The following RIPOR2 variants were observed in gnomAD, a reference collection of about 807,000 sequenced individuals.
RIPOR2 encodes rho family-interacting cell polarization regulator 2.
In RIPOR2, 39 loss-of-function variants were observed where a neutral mutation model predicts 114.5. The observed-to-expected ratio is 0.34, with a 90% confidence interval of 0.26 to 0.44. The LOEUF is 0.44. RIPOR2 is among the 20% of genes least tolerant of loss of function. The pLI is 1.00. For synonymous variants in RIPOR2, 445 were observed against 484.4 expected (o/e 0.92, Z 1.07); for missense variants, 1,007 against 1,255.1 (o/e 0.80, Z 2.99).
chr6:24,836,266 C>T (rs545790341), intron 14 of RIPOR2, among the ~76,000 whole-genome samples: 1 of 152,234 alleles, frequency 6.6e-6, no homozygotes, highest in Non-Finnish European at 1.5e-5. Flanking sequence ...AAGGCAATAC[C>T]ATTAAGAAAT....
chr6:24,912,853 G>T (rs1310750771), intron 1 of RIPOR2, among the ~76,000 whole-genome samples: 1 of 152,176 alleles, frequency 6.6e-6, no homozygotes, highest in African/African-American at 2.4e-5. Flanking sequence ...AGGAGGAAGA[G>T]GATGAAAAGA....
At position 24,852,608 on chromosome 6, in the gene RIPOR2, G is replaced by C; in HGVS notation, c.726C>G (p.Gly242=). Residue 242 remains glycine (G), a synonymous_variant, in exon 9 of 22, where the codon GGC becomes GGG. Transcript: ENST00000643898. ...EFSIKMKGLA[G]FARLCPGDQY... ...GATCTCCAGGACAGAGGCGTGCAAA[G>C]CCAGCCAGACCTGTAACCAAGAAAT... is the stretch of plus-strand genomic sequence containing the variant. 9 of 1,594,540 alleles carry C rather than the reference G, an allele frequency of 5.6e-6. No homozygotes were observed. The highest frequency in any genetic ancestry group is 7.7e-6 in the Non-Finnish European group (9 of 1,174,228).
At chr6:25,035,821 A>G (rs1777222843) in intron 1 of RIPOR2, among the ~76,000 whole-genome samples, 1 of 152,182 alleles carries the variant, frequency 6.6e-6, no homozygotes, top group African/African-American at 2.4e-5. Context: ...AGGTGCCCAC[A>G]TATTCTTCCT....
intron 8 of RIPOR2, among the ~76,000 whole-genome samples, chr6:24,854,680 C>T (rs1763267955): frequency 6.6e-6 from 1 of 152,020 alleles, no homozygotes; most frequent in South Asian, 2.1e-4. Context: ...AATCTTCATC[C>T]TTTAAAAATT....
At chr6:24,919,464 C>A (rs1770317697) in intron 1 of RIPOR2, among the ~76,000 whole-genome samples, 1 of 152,156 alleles carries the variant, frequency 6.6e-6, no homozygotes, top group Admixed American at 6.5e-5. Flanking sequence ...TATTAAATAT[C>A]TTTTATGGAA....
At chr6:24,902,913 A>G (rs958332638) in intron 1 of RIPOR2, among the ~76,000 whole-genome samples, 1 of 152,204 alleles carries the variant, frequency 6.6e-6, no homozygotes, top group African/African-American at 2.4e-5. Context: ...CACTGTGGTC[A>G]TATTTGACCT....
At chr6:24,974,440 C>T (rs1413589685) in intron 1 of RIPOR2, among the ~76,000 whole-genome samples, 1 of 152,110 alleles carries the variant, frequency 6.6e-6, no homozygotes, top group Admixed American at 6.5e-5. Flanking sequence ...CATTAGTCAT[C>T]AGGGAAAATG....
At chr6:24,998,163 C>T (rs1775131668) in intron 1 of RIPOR2, among the ~76,000 whole-genome samples, 1 of 152,128 alleles carries the variant, frequency 6.6e-6, no homozygotes, top group South Asian at 2.1e-4. Context: ...TTCCCCTTAA[C>T]TTCCTCAATC....
chr6:24,833,890 G>C (rs530678868), intron 15 of RIPOR2, among the ~76,000 whole-genome samples: 1 of 152,116 alleles, frequency 6.6e-6, no homozygotes, highest in Non-Finnish European at 1.5e-5. Context: ...ATTAGTCTTT[G>C]CGAGAAAACA....
At chr6:24,917,481 A>G (rs1201896137) in intron 1 of RIPOR2, among the ~76,000 whole-genome samples, 1 of 152,260 alleles carries the variant, frequency 6.6e-6, no homozygotes, top group Non-Finnish European at 1.5e-5. Context: ...AAGTATCAAT[A>G]TCTACGTGTA....
At chr6:24,903,706 G>C (rs946142497) in intron 1 of RIPOR2, among the ~76,000 whole-genome samples, 11 of 152,058 alleles carry the variant, frequency 7.2e-5, no homozygotes, top group African/African-American at 2.7e-4. Context: ...AAGATAAATG[G>C]GGGTATCCTC....
chr6:25,003,447 G>A (rs1481247942), intron 1 of RIPOR2, among the ~76,000 whole-genome samples: 2 of 143,434 alleles, frequency 1.4e-5, no homozygotes, highest in African/African-American at 5.2e-5. Context: ...TCTTCTTTTC[G>A]AGACAGGATC....
intron 13 of RIPOR2, chr6:24,840,736 C>T: frequency 6.5e-7 from 1 of 1,535,496 alleles, no homozygotes; most frequent in Non-Finnish European, 8.7e-7. Context: ...GTCCAAGAGG[C>T]AGCACCATTT....
chr6:25,012,297 G>T, intron 1 of RIPOR2, among the ~76,000 whole-genome samples: 1 of 152,180 alleles, frequency 6.6e-6, no homozygotes, highest in Non-Finnish European at 1.5e-5. Flanking sequence ...AGATTCAGCC[G>T]CTGAGGAAAA....
chr6:24,878,286 C>G (rs941797352), intron 1 of RIPOR2, among the ~76,000 whole-genome samples: 1 of 152,086 alleles, frequency 6.6e-6, no homozygotes, highest in Non-Finnish European at 1.5e-5. Context: ...GGGGATCTTT[C>G]TTAGGTTCAT....
rs117427234 is a variant in RIPOR2, at chr6:24,980,003, G to A, written c.76+61848C>T. On this transcript the variant is annotated intron_variant, in intron 1 of 13. Transcript: ENST00000510784. ...GTTTTTGACCACTAAATATAACACC[G>A]TAGGAAAGGAAGCAAGTGGAAAAGG... 1.9e-3 allele frequency among the ~76,000 whole-genome samples: 288 copies of A among 152,256 alleles called. 4 individuals carry two copies. Among genetic ancestry groups the A allele is most frequent in the East Asian group, 0.018 (92 of 5,182 alleles).
At chr6:24,946,612 G>A (rs142532227) in intron 1 of RIPOR2, among the ~76,000 whole-genome samples, 2 of 152,228 alleles carry the variant, frequency 1.3e-5, no homozygotes, top group East Asian at 3.9e-4. Context: ...AAAGACTACT[G>A]GTGCAGATCT....
At chr6:24,842,285 G>A (rs1024681972) in intron 13 of RIPOR2, among the ~76,000 whole-genome samples, 2 of 152,266 alleles carry the variant, frequency 1.3e-5, no homozygotes, top group East Asian at 1.9e-4. Flanking sequence ...CCTCCATCCT[G>A]GGCTGTCTGA....
intron 1 of RIPOR2, among the ~76,000 whole-genome samples, chr6:24,893,597 G>A (rs1285404269): frequency 2.6e-5 from 4 of 152,212 alleles, no homozygotes; most frequent in African/African-American, 9.6e-5. Context: ...AAGCAAACAA[G>A]AAGGTTATAA....
Sources: allele counts gnomAD v4.1 joint callset (sites outside exome capture counted in the v4.1 genomes callset), GRCh38; gene constraint gnomAD v4.1.1; transcripts MANE v1.5; gene names NCBI Gene and HGNC (gene_info 2026-07-23, HGNC 2026-07-21).